CSMD1: variants seen among roughly 807,000 people sequenced by gnomAD.
CSMD1 encodes CUB and sushi domain-containing protein 1.
A neutral mutation model predicts 417.5 loss-of-function variants in CSMD1; 213 were observed. The observed-to-expected ratio is 0.51, with a 90% CI of 0.46 to 0.57. The LOEUF (loss-of-function observed/expected upper bound fraction) is 0.57, where lower values mean the gene tolerates loss of function less well. Ranked by LOEUF, CSMD1 falls within the 20% of genes least tolerant of loss-of-function variation. The probability of loss-of-function intolerance (pLI) is 0.00; values close to 1 mark genes in which losing one functional copy is unlikely to be tolerated. For missense variants in CSMD1, 6,923 were observed against 4,529.7 expected (o/e 1.53, Z -15.17); for synonymous variants, 2,862 against 1,736.8 (o/e 1.65, Z -16.11).
chr8:4,164,192 T>G (rs1584939971), intron 3 of CSMD1, among the ~76,000 whole-genome samples: 2 of 97,484 alleles, frequency 2.1e-5, no homozygotes, highest in South Asian at 3.4e-4. Context: ...AATACAGGAT[T>G]TTTGGAAGAA....
chr8:3,256,309 G>GAAAAAAAAA (rs61572877), intron 26 of CSMD1, among the ~76,000 whole-genome samples: 1 of 81,378 alleles, frequency 1.2e-5, no homozygotes, highest in Non-Finnish European at 2.4e-5. Context: ...TAAGTCTCAA[G>GAAAAAAAAA]AAAAAAAAAA....
chr8:4,821,401 T>A (rs889179753), intron 1 of CSMD1, among the ~76,000 whole-genome samples: 118 of 152,144 alleles, frequency 7.8e-4, no homozygotes, highest in Non-Finnish European at 9.7e-4. Flanking sequence ...CAAACCTAGA[T>A]TTTTCTTCTT....
At chr8:3,797,382 A>G (rs189181210) in intron 5 of CSMD1, among the ~76,000 whole-genome samples, 7 of 152,118 alleles carry the variant, frequency 4.6e-5, no homozygotes, top group East Asian at 1.9e-4. Flanking sequence ...ATGCAGGCAT[A>G]AAACATTTTC....
intron 12 of CSMD1, among the ~76,000 whole-genome samples, chr8:3,455,868 G>A (rs534796562): frequency 2.0e-5 from 3 of 152,324 alleles, no homozygotes; most frequent in Admixed American, 6.5e-5. Flanking sequence ...GTCTGCAGAG[G>A]TTTCTGCTGT....
At chr8:3,532,554 G>A (rs189645468) in intron 10 of CSMD1, among the ~76,000 whole-genome samples, 89 of 152,206 alleles carry the variant, frequency 5.8e-4, no homozygotes, top group Admixed American at 9.8e-4. Flanking sequence ...AGAAATGGAC[G>A]TAGGTTCAAC....
At chr8:4,684,144 G>A (rs563784849) in intron 1 of CSMD1, among the ~76,000 whole-genome samples, 2 of 152,246 alleles carry the variant, frequency 1.3e-5, no homozygotes, top group African/African-American at 4.8e-5. Context: ...ATATACACAC[G>A]TCAATAGACA....
intron 6 of CSMD1, among the ~76,000 whole-genome samples, chr8:3,736,149 T>C (rs1258861726): frequency 6.6e-6 from 1 of 152,212 alleles, no homozygotes; most frequent in Non-Finnish European, 1.5e-5. Context: ...CATAAAACCC[T>C]GTAATCGCAT....
At chr8:4,091,930 T>G (rs1800743311) in intron 3 of CSMD1, among the ~76,000 whole-genome samples, 1 of 152,184 alleles carries the variant, frequency 6.6e-6, no homozygotes, top group Non-Finnish European at 1.5e-5. Context: ...AGTTCTCTAT[T>G]TAAAAATGTC....
intron 3 of CSMD1, among the ~76,000 whole-genome samples, chr8:4,419,087 GT>G (rs1462622755): frequency 6.6e-6 from 1 of 152,082 alleles, no homozygotes; most frequent in African/African-American, 2.4e-5. Context: ...AGTATTCCCA[GT>G]AAGAATATAT....
At chr8:3,186,373 T>C (rs528489840) in intron 36 of CSMD1, among the ~76,000 whole-genome samples, 2 of 152,330 alleles carry the variant, frequency 1.3e-5, no homozygotes, top group East Asian at 1.9e-4. Flanking sequence ...AATGGGCTAT[T>C]TGAAATAAAA....
chr8:3,524,482 T>C (rs939221636), intron 10 of CSMD1, among the ~76,000 whole-genome samples: 53 of 147,922 alleles, frequency 3.6e-4, no homozygotes, highest in African/African-American at 1.3e-3. Flanking sequence ...GAAAGACATG[T>C]GCACACACAA....
At chr8:4,019,729 T>C (rs1198318812) in intron 4 of CSMD1, among the ~76,000 whole-genome samples, 2 of 152,166 alleles carry the variant, frequency 1.3e-5, no homozygotes, top group Admixed American at 6.5e-5. Context: ...GGTATGAATG[T>C]GCCTGTTGTA....
At chr8:3,835,475 A>G (rs113642249) in intron 5 of CSMD1, among the ~76,000 whole-genome samples, 3 of 151,950 alleles carry the variant, frequency 2.0e-5, no homozygotes, top group South Asian at 4.1e-4. Flanking sequence ...AGGACAAAAA[A>G]CCAAACACCA....
chr8:4,196,415 G>A (rs1426667914), intron 3 of CSMD1, among the ~76,000 whole-genome samples: 3 of 152,194 alleles, frequency 2.0e-5, no homozygotes, highest in African/African-American at 7.2e-5. Flanking sequence ...AAATCAAGGC[G>A]TTTTCAGGCT....
intron 39 of CSMD1, among the ~76,000 whole-genome samples, chr8:3,154,061 G>A (rs1819365654): frequency 6.6e-6 from 1 of 152,148 alleles, no homozygotes; most frequent in Non-Finnish European, 1.5e-5. Flanking sequence ...CCGCCTCCCT[G>A]GTTCAAGTGA....
intron 1 of CSMD1, among the ~76,000 whole-genome samples, chr8:4,690,969 TGCCTGCCGTGGCCTCCC>T: frequency 6.6e-6 from 1 of 152,192 alleles, no homozygotes; most frequent in Non-Finnish European, 1.5e-5. Flanking sequence ...GCTCATGATC[TGCCTGCCGTGGCCTCCC>T]AAAGTGCTGG....
chr8:4,014,277 C>T (rs1197592408), intron 4 of CSMD1, among the ~76,000 whole-genome samples: 1 of 152,174 alleles, frequency 6.6e-6, no homozygotes, highest in African/African-American at 2.4e-5. Flanking sequence ...TACAGAGACA[C>T]TAATTATGGC....
At chr8:3,983,346 G>T (rs1407683799) in intron 5 of CSMD1, among the ~76,000 whole-genome samples, 1 of 151,956 alleles carries the variant, frequency 6.6e-6, no homozygotes, top group Admixed American at 6.6e-5. Flanking sequence ...TGGCCAGGAT[G>T]GTCTCCATCT....
chr8:4,198,806 G>A lies in CSMD1; in HGVS notation c.416-166707C>T, dbSNP rs542734129. ...TCATCGACTTTACTAGATTAACAGAGGTCATGGCACAAAAAGTTAAAGTAC... is the reference window on the plus strand; with the variant it reads ...TCATCGACTTTACTAGATTAACAGAAGTCATGGCACAAAAAGTTAAAGTAC... On this transcript the variant is annotated intron_variant, in intron 3 of 69. Transcript: ENST00000635120. Among the ~76,000 whole-genome samples the A allele has an allele frequency of 1.5e-3, 235 of 152,122 alleles. 2 individuals are homozygous for A. Among genetic ancestry groups the A allele is most frequent in the African/African-American group, 5.6e-3 (232 of 41,494 alleles).
Sources: gnomAD v4.1 joint callset for allele counts (sites outside exome capture counted in the v4.1 genomes callset) on GRCh38, gnomAD v4.1.1 for gene constraint, MANE v1.5 for transcripts, NCBI Gene and HGNC (gene_info 2026-07-23, HGNC 2026-07-21) for gene names.